Variants in WARS1 observed in about 807,000 individuals in gnomAD.
WARS1 encodes the protein tryptophan--tRNA ligase, cytoplasmic.
WARS1 carries 17 observed loss-of-function variants against 47.8 expected under a neutral mutation model. The observed-to-expected ratio is 0.36, with a 90% CI of 0.24 to 0.53. WARS1 has a LOEUF of 0.53. Ranked by LOEUF, WARS1 falls within the 20% of genes least tolerant of loss-of-function variation. WARS1 has a pLI of 0.91. For missense variants in WARS1, 434 were observed against 608.0 expected (o/e 0.71, Z 3.01); for synonymous variants, 208 against 228.1 (o/e 0.91, Z 0.79).
At position 100,360,580 on chromosome 14, in the gene WARS1, C is replaced by T. The variant is rs568328469; in HGVS notation, c.396G>A (p.Leu132=). 3 of 1,613,684 alleles carry T rather than the reference C, an allele frequency of 1.9e-6. No homozygotes were observed. The highest frequency in any genetic ancestry group is 1.1e-5 in the South Asian group (1 of 91,048). The change falls in exon 4 of 11, where the codon CTG becomes CTA. Residue 132 remains leucine, a synonymous_variant. Transcript: ENST00000392882. ...RATGQRPHHF[L]RRGIFFSHRD... ...TGTGTGAGAAGAAGATGCCTCTGCG[C>T]AGGAAGTGGTGTGGTCTTTGGCCGG...
chr14:100,335,761 AAG>A (rs1893678714), intron 10 of WARS1, among the ~76,000 whole-genome samples: 1 of 152,128 alleles, frequency 6.6e-6, no homozygotes, highest in Non-Finnish European at 1.5e-5. Context: ...CCAAACCACA[AAG>A]CAGCAGCAAA....
chr14:100,342,249 G>T, intron 9 of WARS1, 149 bp downstream of exon 9: 1 of 1,070,350 alleles, frequency 9.3e-7, no homozygotes. Context: ...GTTCTGCAGG[G>T]AGCAAAGTTG....
intron 9 of WARS1, among the ~76,000 whole-genome samples, 185 bp from the exon 10 acceptor site, chr14:100,337,387 G>A (rs1036261096): frequency 2.0e-5 from 3 of 152,170 alleles, no homozygotes; most frequent in African/African-American, 7.2e-5. Context: ...TGTTCTTCCT[G>A]TGAGGCTTGG....
intron 1 of WARS1, among the ~76,000 whole-genome samples, chr14:100,372,071 C>T (rs976750833): frequency 2.6e-5 from 4 of 152,186 alleles, no homozygotes; most frequent in Non-Finnish European, 1.5e-5. Flanking sequence ...GTGACCCCTG[C>T]CACCTGCCCG....
intron 10 of WARS1, 104 bp from the exon 11 acceptor site, chr14:100,335,140 G>A (rs968841598): frequency 8.9e-7 from 1 of 1,126,086 alleles, no homozygotes; most frequent in African/African-American, 1.6e-5. Context: ...TGCAGAGCCT[G>A]GCACGTGGGT....
At chr14:100,365,124 T>TACACACACAC (rs59205319) in intron 2 of WARS1, among the ~76,000 whole-genome samples, 8,761 of 137,702 alleles carry the variant, frequency 0.064, 378 homozygotes, top group Non-Finnish European at 0.088. Flanking sequence ...TCTCAAAAAA[T>TACACACACAC]ACACACACAC....
Position 100,374,517 on chromosome 14 carries a change from G to T in WARS1, c.-74+766C>A, listed in dbSNP as rs1002775100. On this transcript the variant is annotated intron_variant, in intron 1 of 10. Coordinates refer to ENST00000392882, the MANE Select transcript of WARS1 (RefSeq NM_004184.4). ...TAGGCACTTAAAGAAACTGGGTATT[G>T]TATTGGGATGAGGAGTGGAAAGGAC... Among the ~76,000 whole-genome samples the T allele has an allele frequency of 3.9e-4, 59 of 152,198 alleles. 1 individual carries two copies. The highest frequency in any genetic ancestry group is 1.0e-4 in the Non-Finnish European group (7 of 68,048).
intron 4 of WARS1, among the ~76,000 whole-genome samples, chr14:100,355,767 T>C (rs533560045): frequency 1.3e-5 from 2 of 152,274 alleles, no homozygotes; most frequent in East Asian, 3.9e-4. Flanking sequence ...ATTGTGGGTG[T>C]TCTGGTTTTT....
chr14:100,356,939 A>G (rs1441972244), intron 4 of WARS1, among the ~76,000 whole-genome samples: 2 of 152,220 alleles, frequency 1.3e-5, no homozygotes, highest in Non-Finnish European at 2.9e-5. Flanking sequence ...TATGATTGAA[A>G]ATAAATTGAT....
In WARS1 at chr14:100,334,922, C is replaced by A; in HGVS notation, c.1369G>T (p.Val457Leu). Residue 457 changes from valine to leucine, a missense_variant, in exon 11 of 11, where the codon GTG (valine) becomes TTG (leucine). Coordinates refer to ENST00000392882, the MANE Select transcript of WARS1 (RefSeq NM_004184.4). ...ARRKEVTDEIVKEFMTPRKLS... is the reference protein window; with the variant it reads ...ARRKEVTDEILKEFMTPRKLS... Reference sequence around the variant, plus strand: ...TTCCGGGGAGTCATGAACTCTTTCACTATCTCATCCGTGACCTCCTTGCGC... The same window carrying A: ...TTCCGGGGAGTCATGAACTCTTTCAATATCTCATCCGTGACCTCCTTGCGC... The A allele has an allele frequency of 6.2e-7, 1 of 1,614,194 alleles. No homozygotes were observed. The highest frequency in any genetic ancestry group is 8.5e-7 in the Non-Finnish European group (1 of 1,180,028).
chr14:100,352,551 T>C (rs1037217402), intron 6 of WARS1, among the ~76,000 whole-genome samples: 2 of 152,174 alleles, frequency 1.3e-5, no homozygotes, highest in African/African-American at 4.8e-5. Flanking sequence ...TCCCTGATGG[T>C]GAGCTAACAT....
chr14:100,336,851 T>C lies in WARS1; in HGVS notation c.1254+211A>G, dbSNP rs77758201. ...CTGTTTTGGGTGGCTCCTAAATGAA[T>C]AGTGATTTGTATCTGCTCTTTCGAG... is the stretch of plus-strand genomic sequence containing the variant. On this transcript the variant is annotated intron_variant, in intron 10 of 10. Transcript: ENST00000392882. 4.2e-3 allele frequency: 2,265 copies of C among 542,620 alleles called. 37 individuals carry two copies. Among genetic ancestry groups the C allele is most frequent in the African/African-American group, 0.037 (2,011 of 53,790 alleles). 33.6% of individuals were successfully genotyped at this position (542,620 alleles called of 1,614,324 possible).
intron 6 of WARS1, among the ~76,000 whole-genome samples, chr14:100,353,436 A>G (rs1426338966): frequency 7.6e-5 from 1 of 13,190 alleles, no homozygotes; most frequent in African/African-American, 8.3e-5. Context: ...TTTTCAATAG[A>G]GATGGGTTTC....
chr14:100,355,823 C>T (rs1175682122), intron 4 of WARS1, among the ~76,000 whole-genome samples: 1 of 152,078 alleles, frequency 6.6e-6, no homozygotes, highest in Non-Finnish European at 1.5e-5. Flanking sequence ...TCACATACTG[C>T]TTTTGAAATA....
intron 6 of WARS1, among the ~76,000 whole-genome samples, chr14:100,353,302 G>A (rs1296473651): frequency 6.6e-6 from 1 of 152,060 alleles, no homozygotes; most frequent in East Asian, 1.9e-4. Context: ...CCAGGCTGGA[G>A]TGCAATGGCG....
At chr14:100,364,026 C>T (rs1432831858) in intron 2 of WARS1, among the ~76,000 whole-genome samples, 1 of 152,130 alleles carries the variant, frequency 6.6e-6, no homozygotes, top group African/African-American at 2.4e-5. Flanking sequence ...ATGGCAGAGG[C>T]TGAGGCGCGT....
Position 100,354,488 on chromosome 14 carries a change from T to C in WARS1, c.501A>G (p.Glu167=). Residue 167 remains glutamate, a synonymous_variant, in exon 5 of 11, where the codon GAA becomes GAG. Transcript: ENST00000392882. Reference sequence around the variant, plus strand: ...GAATGAGGTGACCTACATGCATTGCTTCAGAAGAGGGGCCCCGGCCCGTGT... The same window carrying C: ...GAATGAGGTGACCTACATGCATTGCCTCAGAAGAGGGGCCCCGGCCCGTGT... The part of the protein sequence containing the change: ...YLYTGRGPSS[E]AMHVGHLIPF... 1 of 1,614,184 alleles carries C rather than the reference T, an allele frequency of 6.2e-7. No individual in the cohort carries two copies. Among genetic ancestry groups the C allele is most frequent in the Non-Finnish European group, 8.5e-7 (1 of 1,180,028 alleles).
intron 10 of WARS1, among the ~76,000 whole-genome samples, chr14:100,335,981 GA>G (rs926995613): frequency 1.1e-4 from 16 of 150,704 alleles, no homozygotes; most frequent in Non-Finnish European, 2.9e-5. Context: ...TTTTTTAAAA[GA>G]AATGAGGGTC....
At chr14:100,350,264 C>T (rs564083801) in intron 6 of WARS1, among the ~76,000 whole-genome samples, 3 of 151,738 alleles carry the variant, frequency 2.0e-5, no homozygotes, top group Non-Finnish European at 2.9e-5. Context: ...TGGTGGCGGG[C>T]GCCTGTAATC....
Sources: gnomAD v4.1 joint callset for allele counts (sites outside exome capture counted in the v4.1 genomes callset) on GRCh38, gnomAD v4.1.1 for gene constraint, MANE v1.5 for transcripts, NCBI Gene and HGNC (gene_info 2026-07-23, HGNC 2026-07-21) for gene names.